SDK1: variants seen among roughly 807,000 people sequenced by gnomAD.
SDK1 encodes the protein sidekick cell adhesion molecule 1, also known as protein sidekick-1.
A neutral mutation model predicts 245.5 loss-of-function variants in SDK1; 157 were observed. That is an observed-to-expected ratio of 0.64 (90% confidence interval 0.56 to 0.73). SDK1 has a LOEUF of 0.73. Among genes scored for constraint, SDK1 ranks in the 30% least tolerant of loss-of-function variants. The pLI is 0.00. For synonymous variants in SDK1, 1,647 were observed against 1,278.5 expected (o/e 1.29, Z -6.15); for missense variants, 3,583 against 3,002.3 (o/e 1.19, Z -4.52).
intron 1 of SDK1, among the ~76,000 whole-genome samples, chr7:3,610,960 C>G (rs1458664678): frequency 2.6e-5 from 4 of 152,152 alleles, no homozygotes; most frequent in African/African-American, 9.7e-5. Context: ...AAAATGATGA[C>G]TTTGTGGTGA....
At chr7:3,974,849 T>C (rs145467779) in intron 13 of SDK1, 55 of 251,026 alleles carry the variant, frequency 2.2e-4, no homozygotes, top group African/African-American at 1.1e-3. Flanking sequence ...TGTTTACCAC[T>C]CTGCGCTTAA....
At chr7:4,003,765 C>T (rs1755216215) in intron 14 of SDK1, among the ~76,000 whole-genome samples, 1 of 152,246 alleles carries the variant, frequency 6.6e-6, no homozygotes, top group South Asian at 2.1e-4. Flanking sequence ...CTTGAGTGTG[C>T]AGTGCCACCC....
At chr7:3,756,745 C>T (rs987238464) in intron 4 of SDK1, among the ~76,000 whole-genome samples, 4 of 152,250 alleles carry the variant, frequency 2.6e-5, no homozygotes, top group Admixed American at 6.5e-5. Context: ...GAAGAGTCCT[C>T]GTCAGGCATC....
chr7:3,354,315 T>A (rs2128559028), intron 1 of SDK1, among the ~76,000 whole-genome samples: 1 of 152,070 alleles, frequency 6.6e-6, no homozygotes, highest in Middle Eastern at 3.4e-3. Flanking sequence ...AGCATTCAGA[T>A]TATTAAGTCA....
chr7:3,569,400 ATC>A (rs1214972613), intron 1 of SDK1, among the ~76,000 whole-genome samples: 1 of 152,204 alleles, frequency 6.6e-6, no homozygotes, highest in Non-Finnish European at 1.5e-5. Flanking sequence ...TCATGAGATA[ATC>A]TCTGAGAAGT....
At chr7:3,357,319 T>G in intron 1 of SDK1, among the ~76,000 whole-genome samples, 1 of 139,046 alleles carries the variant, frequency 7.2e-6, no homozygotes, top group African/African-American at 2.7e-5. Flanking sequence ...TTGCTCCCCT[T>G]CTTTTAGTGT....
chr7:3,925,576 C>T (rs1404411482), intron 5 of SDK1, among the ~76,000 whole-genome samples: 1 of 152,182 alleles, frequency 6.6e-6, no homozygotes, highest in Non-Finnish European at 1.5e-5. Flanking sequence ...GGCGTGTTCT[C>T]GCTGTTGTCA....
rs530045793 is a variant in SDK1 at position 3,397,477 on chromosome 7, CT to C, written c.298+95596del. On this transcript the variant is annotated intron_variant, in intron 1 of 44. Transcript: ENST00000404826. ...TATAATTTTTGGTTCGTAGTCTTTT[CT>C]TTCCCCCCCCCAGCGCTTTGAATAT... Among the ~76,000 whole-genome samples the C allele has an allele frequency of 8.3e-4, 106 of 127,590 alleles. 1 individual carries two copies. The highest frequency in any genetic ancestry group is 3.7e-3 in the Middle Eastern group (1 of 272). 83.7% of individuals were successfully genotyped at this position (127,590 alleles called of 152,430 possible).
intron 17 of SDK1, among the ~76,000 whole-genome samples, chr7:4,047,431 A>T (rs1016680419): frequency 3.3e-5 from 5 of 152,262 alleles, no homozygotes; most frequent in Admixed American, 1.3e-4. Flanking sequence ...ATTTGTGTTC[A>T]TGATGGATAT....
intron 1 of SDK1, among the ~76,000 whole-genome samples, chr7:3,571,202 AC>A (rs1780103367): frequency 6.6e-6 from 1 of 152,046 alleles, no homozygotes; most frequent in African/African-American, 2.4e-5. Flanking sequence ...AATTTTAAAA[AC>A]TTATCCTAGC....
At chr7:3,496,145 T>C (rs1054396527) in intron 1 of SDK1, among the ~76,000 whole-genome samples, 1 of 152,206 alleles carries the variant, frequency 6.6e-6, no homozygotes, top group Non-Finnish European at 1.5e-5. Flanking sequence ...AGCAGCTGTA[T>C]GCCTTTAACT....
intron 12 of SDK1, 119 bp from the exon 13 acceptor site, chr7:3,974,250 A>G (rs957900293): frequency 2.8e-6 from 2 of 721,386 alleles, no homozygotes; most frequent in African/African-American, 3.6e-5. Context: ...AGCACAGTTC[A>G]GTGGTTTTTA....
At chr7:3,973,721 G>A (rs570101823) in intron 12 of SDK1, among the ~76,000 whole-genome samples, 2 of 152,258 alleles carry the variant, frequency 1.3e-5, no homozygotes, top group African/African-American at 4.8e-5. Flanking sequence ...AGGTATGCCC[G>A]TGGTTCTACA....
At chr7:3,412,374 C>CT (rs1267557739) in intron 1 of SDK1, among the ~76,000 whole-genome samples, 1 of 152,074 alleles carries the variant, frequency 6.6e-6, no homozygotes, top group Non-Finnish European at 1.5e-5. Flanking sequence ...TGCACCTTGC[C>CT]TTTTTTCTCA....
chr7:3,978,965 C>T (rs74967832), intron 13 of SDK1, among the ~76,000 whole-genome samples: 3,093 of 152,286 alleles, frequency 0.02, 46 homozygotes, highest in Non-Finnish European at 0.035. Flanking sequence ...CTGTTTGCCC[C>T]GAGTTTTACA....
chr7:4,079,566 G>T lies in SDK1; in HGVS notation c.3306G>T (p.Arg1102Ser). 1.2e-6 allele frequency: 2 copies of T among 1,614,212 alleles called. No individual in the cohort carries two copies. Among genetic ancestry groups the T allele is most frequent in the Non-Finnish European group, 1.7e-6 (2 of 1,180,038 alleles). ...PGYDGKTSIS[R>S]WIVEGQVGAI... ...ATGACGGGAAAACGTCCATCTCCAG[G>T]TGGATTGTTGAGGGGCAGGTACGTG... The change falls in exon 22 of 45, where the codon AGG (arginine) becomes AGT (serine). Residue 1102 changes from arginine to serine, a missense_variant. Arg to Ser is a moderately radical substitution (Grantham distance 110). Transcript: ENST00000404826.
At chr7:3,482,508 G>GA (rs980039260) in intron 1 of SDK1, among the ~76,000 whole-genome samples, 3 of 152,166 alleles carry the variant, frequency 2.0e-5, no homozygotes, top group African/African-American at 4.8e-5. Flanking sequence ...AGGTGAATGA[G>GA]AAAGAAATCT....
intron 1 of SDK1, among the ~76,000 whole-genome samples, chr7:3,378,184 G>A (rs1264866618): frequency 2.0e-5 from 3 of 152,084 alleles, no homozygotes; most frequent in South Asian, 4.2e-4. Flanking sequence ...GTCATCTTTC[G>A]GGGGCTACAA....
intron 32 of SDK1, among the ~76,000 whole-genome samples, chr7:4,164,855 A>G (rs1396502332): frequency 6.6e-6 from 1 of 152,246 alleles, no homozygotes; most frequent in Non-Finnish European, 1.5e-5. Flanking sequence ...ACTAATTGCA[A>G]GAAGACCAGA....
Sources: allele counts gnomAD v4.1 joint callset (sites outside exome capture counted in the v4.1 genomes callset), GRCh38; gene constraint gnomAD v4.1.1; transcripts MANE v1.5; gene names NCBI Gene and HGNC (gene_info 2026-07-23, HGNC 2026-07-21).